DDR2: variants seen among roughly 807,000 people sequenced by gnomAD.
DDR2 encodes the protein discoidin domain receptor tyrosine kinase 2.
In DDR2, 27 loss-of-function variants were observed where a neutral mutation model predicts 94.9. That is an observed-to-expected ratio of 0.28 (90% CI 0.21 to 0.39). DDR2 has a LOEUF of 0.39. Among genes scored for constraint, DDR2 ranks in the 10% least tolerant of loss-of-function variants. DDR2 has a pLI of 1.00. For missense variants in DDR2, 783 were observed against 1,076.0 expected (o/e 0.73, Z 3.81); for synonymous variants, 382 against 377.2 (o/e 1.01, Z -0.15).
chr1:162,745,579 A>AT (rs374995228), intron 3 of DDR2, among the ~76,000 whole-genome samples: 62 of 147,520 alleles, frequency 4.2e-4, no homozygotes, highest in East Asian at 1.6e-3. Context: ...TATTAATGAG[A>AT]TTTTTTTTTT....
In DDR2 at chr1:162,773,452, A is replaced by C; in HGVS notation, c.1729-17A>C. 1 of 1,613,110 alleles carries C rather than the reference A, an allele frequency of 6.2e-7. No individual in the cohort carries two copies. The highest frequency in any genetic ancestry group is 8.5e-7 in the Non-Finnish European group (1 of 1,179,334). On this transcript the variant is annotated splice_polypyrimidine_tract_variant and intron_variant, in intron 13 of 17. Transcript: ENST00000367921. ...CAGGAGAAATGATGATGCTGAGACTAGATGACTTTTGTCTAGGTTCATCTC... is the reference window on the plus strand; with the variant it reads ...CAGGAGAAATGATGATGCTGAGACTCGATGACTTTTGTCTAGGTTCATCTC...
intron 2 of DDR2, among the ~76,000 whole-genome samples, chr1:162,711,147 C>G (rs1660893927): frequency 6.6e-6 from 1 of 152,144 alleles, no homozygotes; most frequent in Admixed American, 6.5e-5. Flanking sequence ...AAGCTGTATT[C>G]CTGAAAAGTT....
rs186358503 is a variant in DDR2 at position 162,715,879 on chromosome 1, A to G, written c.-27-3158A>G. ...TGACAGTCATCTAATTTTAGGCAAA[A>G]CAGAAAAATAATTATTGCTTTTGGA... On this transcript the variant is annotated intron_variant, in intron 2 of 17. Transcript: ENST00000367921. Among the ~76,000 whole-genome samples, 232 of 152,288 alleles carry G rather than the reference A, an allele frequency of 1.5e-3. 1 individual carries two copies. Among genetic ancestry groups the G allele is most frequent in the African/African-American group, 5.1e-3 (211 of 41,548 alleles).
intron 3 of DDR2, among the ~76,000 whole-genome samples, chr1:162,752,624 T>C (rs1191536060): frequency 6.6e-6 from 1 of 152,188 alleles, no homozygotes; most frequent in African/African-American, 2.4e-5. Context: ...TTTGATCCCT[T>C]CATAGGTGAG....
intron 3 of DDR2, 166 bp downstream of exon 3, chr1:162,719,311 T>TTA (rs1425294194): frequency 3.7e-6 from 3 of 808,310 alleles, no homozygotes; most frequent in Non-Finnish European, 4.5e-6. Context: ...TGAATATACT[T>TTA]TATATATATG....
intron 2 of DDR2, among the ~76,000 whole-genome samples, chr1:162,672,330 G>A (rs1335127680): frequency 6.6e-6 from 1 of 152,128 alleles, no homozygotes; most frequent in East Asian, 1.9e-4. Context: ...TTAGCATTCC[G>A]TCCAGGTAGA....
chr1:162,695,086 T>A (rs992262799), intron 2 of DDR2, among the ~76,000 whole-genome samples: 11 of 152,190 alleles, frequency 7.2e-5, no homozygotes, highest in Non-Finnish European at 1.2e-4. Flanking sequence ...AAAAAAAAAA[T>A]TTTGAATTCA....
intron 1 of DDR2, among the ~76,000 whole-genome samples, chr1:162,642,108 C>T (rs1351586577): frequency 1.3e-5 from 2 of 150,762 alleles, no homozygotes; most frequent in African/African-American, 2.5e-5. Flanking sequence ...CAGGCACCCA[C>T]ACCACGCCCA....
At chr1:162,642,915 A>T (rs1410972781) in intron 1 of DDR2, among the ~76,000 whole-genome samples, 1 of 152,128 alleles carries the variant, frequency 6.6e-6, no homozygotes, top group Non-Finnish European at 1.5e-5. Context: ...GAGGTGAAAA[A>T]TTTTCTAAGC....
intron 1 of DDR2, among the ~76,000 whole-genome samples, chr1:162,640,607 T>C (rs1203246543): frequency 6.6e-6 from 1 of 152,222 alleles, no homozygotes; most frequent in African/African-American, 2.4e-5. Context: ...CTTTCTTATT[T>C]GAAGGCAGTC....
intron 3 of DDR2, among the ~76,000 whole-genome samples, chr1:162,750,844 C>T (rs1449418535): frequency 1.3e-5 from 2 of 152,120 alleles, no homozygotes; most frequent in African/African-American, 2.4e-5. Flanking sequence ...TAATACCACA[C>T]ATCTACAACC....
Position 162,767,375 on chromosome 1 carries a change from A to G in DDR2, c.1293+16A>G. 2 of 1,613,480 alleles carry G rather than the reference A, an allele frequency of 1.2e-6. No individual in the cohort carries two copies. The highest frequency in any genetic ancestry group is 1.7e-6 in the Non-Finnish European group (2 of 1,179,868). On this transcript the variant is annotated intron_variant, in intron 11 of 17. Coordinates refer to ENST00000367921, the MANE Select transcript of DDR2 (RefSeq NM_006182.4). ...GCTGGAGAAGGTGAGGAGGTGCAGA[A>G]TGGTCATGATATAAGAAACTGCTCC...
At position 162,776,342 on chromosome 1, in the gene DDR2, G is replaced by A. The variant is rs1374086542; in HGVS notation, c.2255G>A (p.Arg752His). The A allele has an allele frequency of 4.3e-6, 7 of 1,613,924 alleles. No individual in the cohort carries two copies. Among genetic ancestry groups the A allele is most frequent in the East Asian group, 2.2e-5 (1 of 44,876 alleles). Residue 752 changes from arginine to histidine, a missense_variant, in exon 16 of 18, where the codon CGC becomes CAC. By Grantham distance (29) the Arg-to-His change is conservative. This residue lies in a region of DDR2 where 264 missense variants were observed against 428.2 expected (regional missense o/e 0.62). Coordinates refer to ENST00000367921, the MANE Select transcript of DDR2 (RefSeq NM_006182.4). ...CAGGGCCGGGCAGTGCTCCCTATCC[G>A]CTGGATGTCTTGGGAGAGTATCTTG... ...RIQGRAVLPI[R>H]WMSWESILLG...
Position 162,762,959 on chromosome 1 carries a change from C to T in DDR2, c.1099+1505C>T, listed in dbSNP as rs12239790. On this transcript the variant is annotated intron_variant, in intron 9 of 17. Coordinates refer to ENST00000367921, the MANE Select transcript of DDR2 (RefSeq NM_006182.4). ...TCGAGTGATTCTTCTGCCTCAGCCT[C>T]CCAAGTAGCTGGGATTACAGGTGCC... Among the ~76,000 whole-genome samples the T allele has an allele frequency of 9.5e-3, 1,450 of 152,250 alleles. 21 individuals are homozygous for T. Among genetic ancestry groups the T allele is most frequent in the African/African-American group, 0.033 (1,384 of 41,536 alleles).
intron 2 of DDR2, among the ~76,000 whole-genome samples, chr1:162,672,311 G>T (rs1270685204): frequency 6.6e-6 from 1 of 152,190 alleles, no homozygotes; most frequent in African/African-American, 2.4e-5. Context: ...AAAAAAGTCT[G>T]ACATAATTTT....
intron 2 of DDR2, among the ~76,000 whole-genome samples, chr1:162,714,973 A>G (rs985107441): frequency 6.6e-6 from 1 of 152,214 alleles, no homozygotes; most frequent in African/African-American, 2.4e-5. Context: ...CTTTCCTAGC[A>G]GCTCCTTGAC....
chr1:162,699,284 C>A (rs1660324761), intron 2 of DDR2, among the ~76,000 whole-genome samples: 2 of 152,220 alleles, frequency 1.3e-5, no homozygotes, highest in Non-Finnish European at 2.9e-5. Flanking sequence ...CCTTGCTAGG[C>A]CACAATGACT....
Position 162,755,122 on chromosome 1 carries a change from C to A in DDR2, c.418-34C>A, listed in dbSNP as rs563597302. On this transcript the variant is annotated intron_variant, in intron 5 of 17. Coordinates refer to ENST00000367921, the MANE Select transcript of DDR2 (RefSeq NM_006182.4). ...GAAGAAAAGTGAGCATGATTTAATA[C>A]CACCTCTTCACTCATTCTCTTCTCT... 3.7e-6 allele frequency: 6 copies of A among 1,613,668 alleles called. No homozygotes were observed. In the African/African-American group the frequency reaches 6.7e-5, roughly 18 times the overall value.
intron 3 of DDR2, among the ~76,000 whole-genome samples, chr1:162,735,929 A>G (rs920137228): frequency 6.6e-6 from 1 of 152,198 alleles, no homozygotes; most frequent in East Asian, 1.9e-4. Context: ...TACTTTAGAT[A>G]TTCCAAGAAG....
Sources: allele counts gnomAD v4.1 joint callset (sites outside exome capture counted in the v4.1 genomes callset), GRCh38; gene constraint gnomAD v4.1.1; regional missense constraint gnomAD v4.1.1; transcripts MANE v1.5; gene names NCBI Gene and HGNC (gene_info 2026-07-23, HGNC 2026-07-21).